SNTG1: variants seen among roughly 807,000 people sequenced by gnomAD.
SNTG1 encodes the protein syntrophin gamma 1.
Under a neutral mutation model 74.7 loss-of-function variants are expected in SNTG1, and 39 were observed. The observed-to-expected ratio is 0.52, with a 90% CI of 0.40 to 0.68. The LOEUF (loss-of-function observed/expected upper bound fraction) is 0.68, where lower values mean the gene tolerates loss of function less well. Ranked by LOEUF, SNTG1 falls within the 30% of genes least tolerant of loss-of-function variation. The pLI is 0.00. For missense variants in SNTG1, 685 were observed against 609.5 expected (o/e 1.12, Z -1.30); for synonymous variants, 254 against 217.1 (o/e 1.17, Z -1.49).
chr8:50,563,033 A>T (rs113255761), intron 12 of SNTG1, among the ~76,000 whole-genome samples: 1 of 152,164 alleles, frequency 6.6e-6, no homozygotes, highest in Admixed American at 6.5e-5. Context: ...ATCACAGGAA[A>T]CCAGGAGGGA....
At chr8:50,355,976 T>C (rs1380889055) in intron 2 of SNTG1, among the ~76,000 whole-genome samples, 1 of 152,164 alleles carries the variant, frequency 6.6e-6, no homozygotes, top group Non-Finnish European at 1.5e-5. Context: ...CCCCATGTAA[T>C]ATTGTCACAG....
At chr8:50,595,807 A>C (rs2094723410) in intron 13 of SNTG1, among the ~76,000 whole-genome samples, 1 of 151,878 alleles carries the variant, frequency 6.6e-6, no homozygotes, top group African/African-American at 2.4e-5. Flanking sequence ...TCAATCCATC[A>C]TTCTTTCTAA....
rs558181828 is a variant in SNTG1, at chr8:50,157,569, G to A, written c.-102-14992G>A. On this transcript the variant is annotated intron_variant, in intron 1 of 18. Coordinates refer to ENST00000642720, the MANE Select transcript of SNTG1 (RefSeq NM_018967.5). The stretch of plus-strand genomic sequence containing the variant: ...ATTATTGTCTTATCAAAAAAGGAAG[G>A]TTAAATAGAGCAGCAAAAGCCTTTA... 4.6e-5 allele frequency among the ~76,000 whole-genome samples: 7 copies of A among 152,126 alleles called. No individual in the cohort carries two copies. In the South Asian group the frequency reaches 1.5e-3, roughly 32 times the overall value.
At chr8:50,735,811 C>T (rs1156422143) in intron 17 of SNTG1, among the ~76,000 whole-genome samples, 1 of 151,998 alleles carries the variant, frequency 6.6e-6, no homozygotes, top group African/African-American at 2.4e-5. Flanking sequence ...CCACAAGACA[C>T]ATAATCATCA....
intron 17 of SNTG1, among the ~76,000 whole-genome samples, chr8:50,735,309 A>G (rs920798175): frequency 1.3e-5 from 2 of 151,784 alleles, no homozygotes; most frequent in African/African-American, 4.8e-5. Context: ...AACTAATATT[A>G]GACAAAAACT....
chr8:50,460,625 A>AT (rs1465925804), intron 8 of SNTG1, among the ~76,000 whole-genome samples: 1 of 152,180 alleles, frequency 6.6e-6, no homozygotes, highest in Non-Finnish European at 1.5e-5. Flanking sequence ...GATGTCATGC[A>AT]TTTAACTCTT....
intron 18 of SNTG1, among the ~76,000 whole-genome samples, chr8:50,782,568 G>A (rs1291503921): frequency 1.3e-5 from 2 of 152,070 alleles, no homozygotes; most frequent in Non-Finnish European, 2.9e-5. Context: ...TCTCCTTTAA[G>A]CACTTCTCTG....
intron 17 of SNTG1, among the ~76,000 whole-genome samples, chr8:50,749,920 T>G (rs1198072366): frequency 6.6e-6 from 1 of 152,066 alleles, no homozygotes; most frequent in African/African-American, 2.4e-5. Context: ...AGTCCATGAA[T>G]CAAGGAGTAT....
intron 15 of SNTG1, among the ~76,000 whole-genome samples, chr8:50,677,392 A>C (rs1239316454): frequency 6.6e-6 from 1 of 152,000 alleles, no homozygotes; most frequent in Non-Finnish European, 1.5e-5. Flanking sequence ...TTTTATATGG[A>C]CACCCATAAC....
At chr8:50,482,178 C>A (rs1412087525) in intron 8 of SNTG1, among the ~76,000 whole-genome samples, 3 of 152,158 alleles carry the variant, frequency 2.0e-5, no homozygotes, top group Non-Finnish European at 1.5e-5. Context: ...CTCTGCTGCC[C>A]CAGGTTGCTA....
intron 12 of SNTG1, among the ~76,000 whole-genome samples, chr8:50,577,389 C>T (rs1285042802): frequency 2.0e-5 from 3 of 149,348 alleles, no homozygotes; most frequent in African/African-American, 7.4e-5. Flanking sequence ...GTTGAATTCA[C>T]TTTCTTAGTA....
At chr8:50,496,906 G>A (rs1432351426) in intron 8 of SNTG1, among the ~76,000 whole-genome samples, 2 of 150,578 alleles carry the variant, frequency 1.3e-5, no homozygotes, top group Admixed American at 6.6e-5. Flanking sequence ...TATTATTCAA[G>A]ATATAGAACC....
chr8:49,972,446 A>G (rs558622859), intron 1 of SNTG1, among the ~76,000 whole-genome samples: 22 of 152,346 alleles, frequency 1.4e-4, no homozygotes, highest in African/African-American at 5.3e-4. Flanking sequence ...CATTCAGGAT[A>G]TAGGCATGGG....
At chr8:49,963,165 T>A (rs1437892614) in intron 1 of SNTG1, among the ~76,000 whole-genome samples, 1 of 152,192 alleles carries the variant, frequency 6.6e-6, no homozygotes, top group Non-Finnish European at 1.5e-5. Context: ...CAACCCTAAG[T>A]TAGAAAACCC....
chr8:49,987,785 A>G (rs1369637835), intron 1 of SNTG1, among the ~76,000 whole-genome samples: 1 of 151,064 alleles, frequency 6.6e-6, no homozygotes, highest in African/African-American at 2.4e-5. Context: ...GGTAGCTGGG[A>G]CTACAGGCGC....
chr8:50,601,162 A>G (rs1224867907), intron 13 of SNTG1, among the ~76,000 whole-genome samples: 1 of 139,294 alleles, frequency 7.2e-6, no homozygotes, highest in East Asian at 2.0e-4. Flanking sequence ...CAAAAAAAAA[A>G]AAAAAAAAAA....
chr8:49,959,521 T>G (rs747251564), intron 1 of SNTG1, among the ~76,000 whole-genome samples: 1 of 152,236 alleles, frequency 6.6e-6, no homozygotes, highest in Non-Finnish European at 1.5e-5. Flanking sequence ...TTTTGGACAT[T>G]TCATATAAAT....
At chr8:50,331,955 A>G (rs572960679) in intron 2 of SNTG1, among the ~76,000 whole-genome samples, 50 of 152,344 alleles carry the variant, frequency 3.3e-4, no homozygotes, top group South Asian at 2.9e-3. Flanking sequence ...AAGGAAAAAG[A>G]TGCAGATGGC....
At chr8:50,593,205 A>G (rs2130886656) in intron 13 of SNTG1, among the ~76,000 whole-genome samples, 1 of 152,268 alleles carries the variant, frequency 6.6e-6, no homozygotes, top group South Asian at 2.1e-4. Flanking sequence ...TACCCTAACC[A>G]GAGAAATTAA....
Sources: allele counts gnomAD v4.1 joint callset (sites outside exome capture counted in the v4.1 genomes callset), GRCh38; gene constraint gnomAD v4.1.1; transcripts MANE v1.5; gene names NCBI Gene and HGNC (gene_info 2026-07-23, HGNC 2026-07-21).